Variants in PTPRD observed in about 807,000 individuals in gnomAD.
PTPRD encodes the protein receptor-type tyrosine-protein phosphatase delta.
A neutral mutation model predicts 214.5 loss-of-function variants in PTPRD; 34 were observed. The ratio of observed to expected loss-of-function variants is 0.16; its 90% CI spans 0.12 to 0.21. The LOEUF is 0.21. PTPRD is among the 10% of genes least tolerant of loss of function. The pLI is 1.00. For missense variants in PTPRD, 2,545 were observed against 2,398.7 expected, an observed-to-expected ratio of 1.06 and a Z score of -1.27; for synonymous variants, 1,128 against 845.7, an observed-to-expected ratio of 1.33 and a Z score of -5.79.
intron 4 of PTPRD, among the ~76,000 whole-genome samples, chr9:9,989,572 C>T (rs970672890): frequency 2.6e-5 from 4 of 152,086 alleles, no homozygotes; most frequent in Non-Finnish European, 5.9e-5. Context: ...GAGCCACTTC[C>T]TCTGCTCACT....
chr9:9,559,862 G>T (rs2082454637), intron 8 of PTPRD, among the ~76,000 whole-genome samples: 2 of 152,168 alleles, frequency 1.3e-5, no homozygotes, highest in Admixed American at 1.3e-4. Flanking sequence ...CATAAGTGGA[G>T]AGCCAAGCTG....
At chr9:10,055,664 G>T (rs73390268) in intron 3 of PTPRD, among the ~76,000 whole-genome samples, 4 of 152,024 alleles carry the variant, frequency 2.6e-5, no homozygotes, top group African/African-American at 9.6e-5. Flanking sequence ...GTTTTATTTT[G>T]CAGTATGTGT....
Position 8,486,028 on chromosome 9 carries a change from G to T in PTPRD, c.2789C>A (p.Thr930Asn). Residue 930 changes from threonine to asparagine, a missense_variant, in exon 28 of 46, where the codon ACC (threonine) becomes AAC (asparagine). Transcript: ENST00000381196. ...GFPQNLHSEG[T>N]TSTSVQLSWQ... is the part of the protein sequence containing the mutation. Reference sequence around the variant, plus strand: ...AGATAACTGGACGGAGGTTGAAGTGGTGCCTTCTGAGTGAAGGTTTTGAGG... The same window carrying T: ...AGATAACTGGACGGAGGTTGAAGTGTTGCCTTCTGAGTGAAGGTTTTGAGG... The T allele has an allele frequency of 6.2e-7, 1 of 1,614,156 alleles. No individual in the cohort carries two copies. The highest frequency in any genetic ancestry group is 8.5e-7 in the Non-Finnish European group (1 of 1,180,014).
intron 2 of PTPRD, among the ~76,000 whole-genome samples, chr9:10,529,780 C>G (rs1777641920): frequency 6.6e-6 from 1 of 151,452 alleles, no homozygotes; most frequent in South Asian, 2.1e-4. Flanking sequence ...TGGAAGCCAT[C>G]ATTCTCAGCA....
chr9:8,528,870 C>A, intron 14 of PTPRD, 91 bp from the exon 15 acceptor site: 1 of 1,293,510 alleles, frequency 7.7e-7, no homozygotes. Context: ...TTACCTTACT[C>A]AGTGCTTGTT....
intron 12 of PTPRD, among the ~76,000 whole-genome samples, chr9:8,640,611 T>C (rs2154334113): frequency 6.7e-6 from 1 of 150,086 alleles, no homozygotes; most frequent in East Asian, 1.9e-4. Flanking sequence ...ATTTATTCTT[T>C]GAAAACAAGA....
chr9:8,545,494 T>C (rs553479628), intron 14 of PTPRD, among the ~76,000 whole-genome samples: 146 of 152,332 alleles, frequency 9.6e-4, no homozygotes, highest in Admixed American at 2.6e-3. Flanking sequence ...AGGAAAACCA[T>C]GTATCTTGAT....
At chr9:9,059,780 T>C (rs1590788147) in intron 10 of PTPRD, among the ~76,000 whole-genome samples, 1 of 152,174 alleles carries the variant, frequency 6.6e-6, no homozygotes, top group African/African-American at 2.4e-5. Context: ...TTTTCACAAA[T>C]ATTAGAAAAT....
chr9:8,956,385 C>G (rs2099131774), intron 11 of PTPRD, among the ~76,000 whole-genome samples: 1 of 151,870 alleles, frequency 6.6e-6, no homozygotes, highest in African/African-American at 2.4e-5. Flanking sequence ...CACCTGATGA[C>G]TATAATTTTA....
At chr9:10,127,954 A>C (rs978841448) in intron 3 of PTPRD, among the ~76,000 whole-genome samples, 2 of 152,110 alleles carry the variant, frequency 1.3e-5, no homozygotes, top group Admixed American at 6.6e-5. Context: ...TCACCAGAAA[A>C]ACTCTGCTTT....
intron 2 of PTPRD, among the ~76,000 whole-genome samples, chr9:10,341,287 G>A (rs1259090842): frequency 1.3e-5 from 2 of 151,804 alleles, no homozygotes; most frequent in South Asian, 2.1e-4. Context: ...AATGCCAAAC[G>A]CTAGGCCACT....
At chr9:10,146,715 A>C (rs1344534833) in intron 3 of PTPRD, among the ~76,000 whole-genome samples, 1 of 152,110 alleles carries the variant, frequency 6.6e-6, no homozygotes, top group African/African-American at 2.4e-5. Flanking sequence ...CGAGCACTGT[A>C]CTTTGCTCCT....
intron 12 of PTPRD, among the ~76,000 whole-genome samples, chr9:8,721,282 T>C (rs1048026738): frequency 2.6e-5 from 4 of 151,660 alleles, no homozygotes; most frequent in Non-Finnish European, 5.9e-5. Context: ...ATGCAAAAAT[T>C]AGTCAGGCAT....
At chr9:10,476,343 G>A (rs2099062468) in intron 2 of PTPRD, among the ~76,000 whole-genome samples, 1 of 152,064 alleles carries the variant, frequency 6.6e-6, no homozygotes. Context: ...ACCAATAGTA[G>A]ACAAACAGAA....
intron 7 of PTPRD, among the ~76,000 whole-genome samples, chr9:9,652,916 T>A (rs1035057722): frequency 1.3e-5 from 2 of 152,260 alleles, no homozygotes; most frequent in Admixed American, 6.5e-5. Context: ...GCCCAGCCAA[T>A]AATATACCAC....
intron 3 of PTPRD, among the ~76,000 whole-genome samples, chr9:10,092,778 G>T (rs962080953): frequency 2.0e-5 from 3 of 151,364 alleles, no homozygotes; most frequent in Non-Finnish European, 4.4e-5. Context: ...GAACAGACTA[G>T]AGAGCCCAGC....
chr9:8,439,475 G>A (rs2095470238), intron 34 of PTPRD, among the ~76,000 whole-genome samples: 1 of 152,152 alleles, frequency 6.6e-6, no homozygotes, highest in African/African-American at 2.4e-5. Flanking sequence ...TTACAAAATG[G>A]AAAACTAGTA....
chr9:8,949,223 C>CAA (rs1266773995), intron 11 of PTPRD, among the ~76,000 whole-genome samples: 2,161 of 54,558 alleles, frequency 0.04, 77 homozygotes, highest in African/African-American at 0.11. Context: ...GACTCCATCT[C>CAA]AAAAAAAGAA....
chr9:9,733,380 T>C (rs2098234223), intron 7 of PTPRD, among the ~76,000 whole-genome samples: 1 of 152,160 alleles, frequency 6.6e-6, no homozygotes, highest in Non-Finnish European at 1.5e-5. Context: ...AACTTTAAGT[T>C]TTCTGTTTGT....
Sources: allele counts gnomAD v4.1 joint callset (sites outside exome capture counted in the v4.1 genomes callset), GRCh38; gene constraint gnomAD v4.1.1; transcripts MANE v1.5; gene names NCBI Gene and HGNC (gene_info 2026-07-23, HGNC 2026-07-21).